CNTNAP5: variants seen among roughly 807,000 people sequenced by gnomAD.
CNTNAP5 encodes contactin-associated protein-like 5.
Under a neutral mutation model 150.2 loss-of-function variants are expected in CNTNAP5, and 72 were observed. The ratio of observed to expected loss-of-function variants is 0.48; its 90% CI spans 0.40 to 0.58. CNTNAP5 has a LOEUF of 0.58. Ranked by LOEUF, CNTNAP5 falls within the 20% of genes least tolerant of loss-of-function variation. CNTNAP5 has a pLI of 0.00. For synonymous variants in CNTNAP5, 672 were observed against 619.8 expected, an observed-to-expected ratio of 1.08 and a Z score of -1.25; for missense variants, 1,636 against 1,626.2, an observed-to-expected ratio of 1.01 and a Z score of -0.10.
At chr2:124,518,737 A>G (rs1239105253) in intron 8 of CNTNAP5, among the ~76,000 whole-genome samples, 1 of 152,126 alleles carries the variant, frequency 6.6e-6, no homozygotes, top group Non-Finnish European at 1.5e-5. Flanking sequence ...CTGTAATCCT[A>G]TCGCTTTGGG....
chr2:124,258,456 T>C (rs756092468), intron 3 of CNTNAP5, among the ~76,000 whole-genome samples: 3 of 152,094 alleles, frequency 2.0e-5, no homozygotes, highest in Non-Finnish European at 2.9e-5. Context: ...TGCATTTGGG[T>C]AAAAGAGCTG....
intron 13 of CNTNAP5, among the ~76,000 whole-genome samples, chr2:124,699,952 T>G (rs1210537476): frequency 2.0e-5 from 3 of 152,196 alleles, no homozygotes; most frequent in Admixed American, 6.5e-5. Context: ...CTATGTGATC[T>G]TAAATACGTT....
intron 11 of CNTNAP5, among the ~76,000 whole-genome samples, chr2:124,596,963 C>A (rs1696841093): frequency 1.9e-5 from 1 of 51,362 alleles, no homozygotes; most frequent in African/African-American, 4.5e-5. Flanking sequence ...GATTGCAACC[C>A]CTGCCTTTTT....
chr2:124,682,116 C>T (rs1679082245), intron 13 of CNTNAP5, among the ~76,000 whole-genome samples: 1 of 152,110 alleles, frequency 6.6e-6, no homozygotes, highest in African/African-American at 2.4e-5. Context: ...GATTGGTGCT[C>T]TCTTCTTTCC....
chr2:124,223,847 A>G (rs1274350535), intron 2 of CNTNAP5, among the ~76,000 whole-genome samples: 1 of 151,074 alleles, frequency 6.6e-6, no homozygotes, highest in African/African-American at 2.4e-5. Context: ...CTAAATCAGA[A>G]AGGCCAAGCA....
chr2:124,302,968 G>GT (rs1688601039), intron 3 of CNTNAP5, among the ~76,000 whole-genome samples: 1 of 152,230 alleles, frequency 6.6e-6, no homozygotes, highest in Admixed American at 6.5e-5. Context: ...GTTGCTCTTT[G>GT]TTTTTTGTAT....
At chr2:124,234,174 A>G (rs1340344359) in intron 2 of CNTNAP5, among the ~76,000 whole-genome samples, 1 of 152,014 alleles carries the variant, frequency 6.6e-6, no homozygotes, top group Non-Finnish European at 1.5e-5. Context: ...TGAATCTTCT[A>G]TATATATATA....
chr2:124,704,140 A>C (rs978584913), intron 13 of CNTNAP5, among the ~76,000 whole-genome samples: 3 of 152,212 alleles, frequency 2.0e-5, no homozygotes, highest in African/African-American at 4.8e-5. Flanking sequence ...TATGAAGATA[A>C]CATACCGGAT....
At chr2:124,855,864 C>T (rs1677360736) in intron 19 of CNTNAP5, among the ~76,000 whole-genome samples, 2 of 152,124 alleles carry the variant, frequency 1.3e-5, no homozygotes, top group Admixed American at 1.3e-4. Context: ...CCTCATCCCC[C>T]TTTCACCCTT....
At chr2:124,611,215 A>G (rs1677377584) in intron 12 of CNTNAP5, among the ~76,000 whole-genome samples, 1 of 152,196 alleles carries the variant, frequency 6.6e-6, no homozygotes, top group Non-Finnish European at 1.5e-5. Context: ...AGGGTATGAA[A>G]AGTAAGACAC....
intron 20 of CNTNAP5, among the ~76,000 whole-genome samples, chr2:124,866,053 G>A (rs1677625408): frequency 6.6e-6 from 1 of 151,590 alleles, no homozygotes; most frequent in African/African-American, 2.4e-5. Context: ...CACAAAGTCA[G>A]GAGTTCGAGA....
chr2:124,407,401 G>T (rs1340722001), intron 3 of CNTNAP5, among the ~76,000 whole-genome samples: 1 of 152,098 alleles, frequency 6.6e-6, no homozygotes, highest in Admixed American at 6.5e-5. Context: ...TCAGGGGAAA[G>T]CTTCCTCTCT....
chr2:124,510,061 T>G (rs1419836933), intron 8 of CNTNAP5, among the ~76,000 whole-genome samples: 2 of 151,194 alleles, frequency 1.3e-5, no homozygotes, highest in African/African-American at 4.9e-5. Context: ...GTTAGTTGAG[T>G]GTGGTGGCGC....
At chr2:124,518,532 A>G (rs1694780968) in intron 8 of CNTNAP5, among the ~76,000 whole-genome samples, 1 of 152,212 alleles carries the variant, frequency 6.6e-6, no homozygotes, top group South Asian at 2.1e-4. Flanking sequence ...CAAAGGGTTA[A>G]ATATGGAATT....
intron 6 of CNTNAP5, among the ~76,000 whole-genome samples, chr2:124,465,502 G>A (rs1048955008): frequency 1.3e-5 from 2 of 152,166 alleles, no homozygotes; most frequent in African/African-American, 4.8e-5. Context: ...TGAGGCAAAA[G>A]CAGATTTAGA....
intron 1 of CNTNAP5, among the ~76,000 whole-genome samples, chr2:124,153,042 C>T (rs1003472203): frequency 1.3e-5 from 2 of 152,112 alleles, no homozygotes; most frequent in Non-Finnish European, 2.9e-5. Context: ...CCTAAAACTA[C>T]CCTTAGGCCA....
intron 1 of CNTNAP5, among the ~76,000 whole-genome samples, chr2:124,221,347 G>A (rs1686306201): frequency 6.6e-6 from 1 of 152,098 alleles, no homozygotes; most frequent in East Asian, 1.9e-4. Flanking sequence ...AATCTTGATG[G>A]CAATAATTTG....
At chr2:124,329,015 A>G (rs576493078) in intron 3 of CNTNAP5, among the ~76,000 whole-genome samples, 12 of 152,310 alleles carry the variant, frequency 7.9e-5, no homozygotes, top group Admixed American at 2.0e-4. Flanking sequence ...GTAGGCAAGA[A>G]GGAGACAGGG....
At chr2:124,186,113 G>T (rs1393874871) in intron 1 of CNTNAP5, among the ~76,000 whole-genome samples, 1 of 152,154 alleles carries the variant, frequency 6.6e-6, no homozygotes, top group Non-Finnish European at 1.5e-5. Flanking sequence ...GGTCCTGAGT[G>T]GGCATGAGAA....
Sources: allele counts gnomAD v4.1 joint callset (sites outside exome capture counted in the v4.1 genomes callset), GRCh38; gene constraint gnomAD v4.1.1; transcripts MANE v1.5; gene names NCBI Gene and HGNC (gene_info 2026-07-23, HGNC 2026-07-21).